CLSTN2: variants seen among roughly 807,000 people sequenced by gnomAD.
The protein encoded by CLSTN2 is calsyntenin 2, also known as calsyntenin-2.
Under a neutral mutation model 101.2 loss-of-function variants are expected in CLSTN2, and 48 were observed. The ratio of observed to expected loss-of-function variants is 0.47; its 90% CI spans 0.38 to 0.60. The LOEUF is 0.60. Among genes scored for constraint, CLSTN2 ranks in the 20% least tolerant of loss-of-function variants. CLSTN2 has a pLI of 0.00. For missense variants in CLSTN2, 1,160 were observed against 1,238.2 expected, an observed-to-expected ratio of 0.94 and a Z score of 0.95; for synonymous variants, 481 against 463.6, an observed-to-expected ratio of 1.04 and a Z score of -0.48.
In CLSTN2 at chr3:140,337,332, T is replaced by C. The variant is rs146599081; in HGVS notation, c.233-66297T>C. Among the ~76,000 whole-genome samples, 6 of 152,280 alleles carry C rather than the reference T, an allele frequency of 3.9e-5. No individual in the cohort carries two copies. The East Asian group carries it at 1.2e-3, about 29-fold the overall frequency. On this transcript the variant is annotated intron_variant, in intron 2 of 16. Coordinates refer to ENST00000458420, the MANE Select transcript of CLSTN2 (RefSeq NM_022131.3). ...GTTCCAGGCCTCTCCCTTAGCTTCT[T>C]ATAGCCCCAGACATTCCTTGGCTTG... is the stretch of plus-strand genomic sequence containing the variant.
At chr3:140,077,844 G>T (rs2008518440) in intron 1 of CLSTN2, among the ~76,000 whole-genome samples, 2 of 150,852 alleles carry the variant, frequency 1.3e-5, no homozygotes, top group East Asian at 2.0e-4. Context: ...TGGCCGGTTT[G>T]CTCCCTCTCT....
intron 1 of CLSTN2, among the ~76,000 whole-genome samples, chr3:139,977,760 G>A (rs1337324647): frequency 6.6e-6 from 1 of 152,192 alleles, no homozygotes; most frequent in Non-Finnish European, 1.5e-5. Context: ...CATTGCAGAA[G>A]AGCCACTGCT....
intron 8 of CLSTN2, among the ~76,000 whole-genome samples, chr3:140,467,752 C>T (rs73231215): frequency 0.047 from 7,081 of 152,188 alleles, 249 homozygotes; most frequent in East Asian, 0.12. Flanking sequence ...ATCCTTGTTA[C>T]TATATCTCCA....
At chr3:140,461,152 T>A (rs1388241343) in intron 7 of CLSTN2, 3 of 152,240 alleles carry the variant, frequency 2.0e-5, no homozygotes, top group Admixed American at 2.0e-4. Flanking sequence ...TCAATTGATC[T>A]TTATAATAAA....
chr3:140,361,264 A>G (rs1296133090), intron 2 of CLSTN2, among the ~76,000 whole-genome samples: 1 of 152,232 alleles, frequency 6.6e-6, no homozygotes, highest in African/African-American at 2.4e-5. Context: ...AATCACAGTC[A>G]TCTCAATTGC....
intron 2 of CLSTN2, among the ~76,000 whole-genome samples, chr3:140,241,872 T>TACACACACAC (rs1201031848): frequency 5.2e-5 from 3 of 57,658 alleles, no homozygotes; most frequent in African/African-American, 1.7e-4. Context: ...TATATACACA[T>TACACACACAC]ATATATATAC....
intron 1 of CLSTN2, among the ~76,000 whole-genome samples, chr3:140,072,712 G>T (rs975105912): frequency 6.6e-6 from 1 of 152,182 alleles, no homozygotes; most frequent in Non-Finnish European, 1.5e-5. Context: ...GTTTTAATGA[G>T]CTGTCACTGA....
intron 1 of CLSTN2, among the ~76,000 whole-genome samples, chr3:139,994,520 A>G (rs905750350): frequency 2.0e-5 from 3 of 152,122 alleles, no homozygotes; most frequent in Non-Finnish European, 4.4e-5. Flanking sequence ...TATTATTCTT[A>G]TATGGAGACA....
At chr3:140,430,005 C>A (rs1191432471) in intron 5 of CLSTN2, among the ~76,000 whole-genome samples, 1 of 152,134 alleles carries the variant, frequency 6.6e-6, no homozygotes, top group African/African-American at 2.4e-5. Flanking sequence ...GGTCACCTTG[C>A]CCCTTCCAAA....
intron 9 of CLSTN2, among the ~76,000 whole-genome samples, chr3:140,539,092 C>A (rs779349390): frequency 5.9e-5 from 9 of 152,304 alleles, no homozygotes; most frequent in Admixed American, 2.6e-4. Flanking sequence ...TCTGAGAGAT[C>A]CTCTCCTCTG....
intron 1 of CLSTN2, among the ~76,000 whole-genome samples, chr3:139,967,736 G>C (rs144890551): frequency 5.3e-5 from 8 of 152,304 alleles, no homozygotes; most frequent in African/African-American, 1.4e-4. Context: ...CTTCCCAGGA[G>C]TAAAATATTC....
chr3:140,184,143 T>C (rs2010451585), intron 2 of CLSTN2, among the ~76,000 whole-genome samples: 1 of 152,198 alleles, frequency 6.6e-6, no homozygotes, highest in Admixed American at 6.5e-5. Context: ...GGGATGACAC[T>C]GTTCTCCGTG....
At chr3:140,507,030 G>A (rs529384731) in intron 8 of CLSTN2, 1 of 152,274 alleles carries the variant, frequency 6.6e-6, no homozygotes, top group Non-Finnish European at 1.5e-5. Flanking sequence ...CTACAGGCTG[G>A]TGCAGTCACA....
intron 1 of CLSTN2, among the ~76,000 whole-genome samples, chr3:140,009,843 A>T (rs1202688824): frequency 6.6e-6 from 1 of 152,258 alleles, no homozygotes. Flanking sequence ...ACAAAAGTGC[A>T]TCAGCACTCA....
chr3:140,564,700 A>T (rs1313461612), intron 16 of CLSTN2, among the ~76,000 whole-genome samples: 1 of 152,246 alleles, frequency 6.6e-6, no homozygotes, highest in Non-Finnish European at 1.5e-5. Context: ...AATAGGAGTT[A>T]TCATCTTCAT....
intron 1 of CLSTN2, among the ~76,000 whole-genome samples, chr3:140,130,485 G>A (rs2009505796): frequency 1.3e-5 from 2 of 152,136 alleles, no homozygotes; most frequent in African/African-American, 4.8e-5. Flanking sequence ...GTTTGACTGG[G>A]GGACAGTGAA....
chr3:140,298,982 G>A (rs1422814645), intron 2 of CLSTN2, among the ~76,000 whole-genome samples: 1 of 152,130 alleles, frequency 6.6e-6, no homozygotes. Context: ...TGGTGGACCT[G>A]TGGGGAGCAT....
At chr3:139,980,341 G>A (rs144354928) in intron 1 of CLSTN2, among the ~76,000 whole-genome samples, 24 of 152,122 alleles carry the variant, frequency 1.6e-4, no homozygotes, top group East Asian at 1.2e-3. Context: ...TGCACTTGCC[G>A]TTCCCTGATG....
chr3:140,123,719 C>T (rs2009382003), intron 1 of CLSTN2, among the ~76,000 whole-genome samples: 1 of 152,036 alleles, frequency 6.6e-6, no homozygotes, highest in Admixed American at 6.6e-5. Context: ...GGCCTCTCAT[C>T]CTGGCCTGTG....
Sources: allele counts gnomAD v4.1 joint callset (sites outside exome capture counted in the v4.1 genomes callset), GRCh38; gene constraint gnomAD v4.1.1; transcripts MANE v1.5; gene names NCBI Gene and HGNC (gene_info 2026-07-23, HGNC 2026-07-21).